NOX5: variants seen among roughly 807,000 people sequenced by gnomAD.
NOX5 encodes the protein NADPH oxidase, EF-hand calcium binding domain 5.
A neutral mutation model predicts 85.7 loss-of-function variants in NOX5; 76 were observed. That is an observed-to-expected ratio of 0.89 (90% CI 0.74 to 1.07). The LOEUF (loss-of-function observed/expected upper bound fraction) is 1.07. NOX5 is among the 50% of genes least tolerant of loss of function. The probability of loss-of-function intolerance (pLI) is 0.00; values close to 1 mark genes in which losing one functional copy is unlikely to be tolerated. For missense variants in NOX5, 973 were observed against 999.5 expected, an observed-to-expected ratio of 0.97 and a Z score of 0.36; for synonymous variants, 405 against 401.4, an observed-to-expected ratio of 1.01 and a Z score of -0.11.
intron 1 of NOX5, among the ~76,000 whole-genome samples, chr15:69,026,273 G>T (rs1303688891): frequency 6.6e-6 from 1 of 152,180 alleles, no homozygotes; most frequent in Non-Finnish European, 1.5e-5. Flanking sequence ...CCTCACTCGG[G>T]CCCTGTCATT....
rs2050697132 is a variant in NOX5, at chr15:69,047,995, G to A, written c.1899+84G>A. 9.0e-6 allele frequency: 11 copies of A among 1,222,740 alleles called. No individual in the cohort carries two copies. In the South Asian group the frequency reaches 1.2e-4, roughly 14 times the overall value. 75.7% of individuals were successfully genotyped at this position (1,222,740 alleles called of 1,614,324 possible). On this transcript the variant is annotated intron_variant, in intron 13 of 15. Coordinates refer to ENST00000388866, the MANE Select transcript of NOX5 (RefSeq NM_024505.4). ...ATAGGAGCCCATCCTCCTGTGCAAA[G>A]GTGGGAGCGGATAGGTGATCCCTAA...
At position 69,042,742 on chromosome 15, in the gene NOX5, G is replaced by A. The variant is rs771202614; in HGVS notation, c.1584G>A (p.Leu528=). 6.2e-7 allele frequency: 1 copy of A among 1,614,210 alleles called. No individual in the cohort carries two copies. The highest frequency in any genetic ancestry group is 1.7e-5 in the Admixed American group (1 of 60,028). ...AGTCCTTCAAGGCATCAGACCCACTGGGCCGTGGTTCTAAGAGGCTGTCGA... is the reference window on the plus strand; with the variant it reads ...AGTCCTTCAAGGCATCAGACCCACTAGGCCGTGGTTCTAAGAGGCTGTCGA... The part of the protein sequence containing the change: ...LYESFKASDP[L]GRGSKRLSRS... The change falls in exon 10 of 16, where the codon CTG becomes CTA. Residue 528 remains leucine, a synonymous_variant. Transcript: ENST00000388866.
At chr15:69,028,100 C>T (rs2050382117) in intron 2 of NOX5, 115 bp from the exon 3 acceptor site, 2 of 1,142,686 alleles carry the variant, frequency 1.8e-6, no homozygotes, top group Non-Finnish European at 2.4e-6. Context: ...CTGAATACCG[C>T]CACTCTGTGG....
chr15:69,033,225 TG>T lies in NOX5; in HGVS notation c.805del (p.Val269TrpfsTer19). The T allele has an allele frequency of 6.3e-7, 1 of 1,598,200 alleles. No individual in the cohort carries two copies. The highest frequency in any genetic ancestry group is 8.5e-7 in the Non-Finnish European group (1 of 1,179,252). On this transcript the variant is annotated frameshift_variant, in exon 5 of 16. Coordinates refer to ENST00000388866, the MANE Select transcript of NOX5 (RefSeq NM_024505.4). LOFTEE classifies it high-confidence loss of function. ...CACCGGGACCTCGGCGCCAGCGTCA[TG>T]GTGGCCAAGGGCTGCGGCCAGTGCC... ...SAHRDLGASV[M>X]VAKGCGQCLN...
At chr15:69,026,220 G>A (rs2050356005) in intron 1 of NOX5, among the ~76,000 whole-genome samples, 1 of 152,194 alleles carries the variant, frequency 6.6e-6, no homozygotes, top group African/African-American at 2.4e-5. Flanking sequence ...TAATGCAGTC[G>A]CAGCATGCCA....
chr15:69,055,348 C>T lies in NOX5; in HGVS notation c.2014C>T (p.Leu672=), dbSNP rs969919766. The part of the protein sequence containing the change: ...EEAQYGRFLE[L]HMYMTSALGK... Reference sequence around the variant, plus strand: ...CTGCCCAACAGGCCGCTTCCTGGAGCTGCATATGTACATGACATCTGCACT... The same window carrying T: ...CTGCCCAACAGGCCGCTTCCTGGAGTTGCATATGTACATGACATCTGCACT... The change falls in exon 15 of 16, where the codon CTG becomes TTG. Residue 672 remains leucine (L), a synonymous_variant. Coordinates refer to ENST00000388866, the MANE Select transcript of NOX5 (RefSeq NM_024505.4). The T allele has an allele frequency of 2.5e-6, 4 of 1,614,024 alleles. No individual in the cohort carries two copies. The highest frequency in any genetic ancestry group is 3.4e-6 in the Non-Finnish European group (4 of 1,179,892).
At position 69,061,397 on chromosome 15, in the gene NOX5, G is replaced by T. The variant is rs568845953; in HGVS notation, c.*4701G>T. 17 of 152,370 alleles carry T rather than the reference G, an allele frequency of 1.1e-4. No individual in the cohort carries two copies. The East Asian group carries it at 3.3e-3, about 29-fold the overall frequency. 9.4% of individuals were successfully genotyped at this position (152,370 alleles called of 1,614,324 possible). On this transcript the variant is annotated 3_prime_UTR_variant, in exon 16 of 16. Transcript: ENST00000388866. The stretch of plus-strand genomic sequence containing the variant: ...CTAGTCCAGAAGGACTGTGGAGGCC[G>T]TGGGCATACACGTGAAATTGTGTGC...
At position 69,056,605 on chromosome 15, in the gene NOX5, A is replaced by G; in HGVS notation, c.2207A>G (p.Gln736Arg). Residue 736 changes from glutamine to arginine, a missense_variant, in exon 16 of 16, where the codon CAG (glutamine) becomes CGG (arginine). Coordinates refer to ENST00000388866, the MANE Select transcript of NOX5 (RefSeq NM_024505.4). ...KVAAEKKGKV[Q>R]VFFCGSPALA... ...GCTGCTGAGAAGAAGGGCAAGGTGC[A>G]GGTCTTCTTCTGTGGCTCCCCAGCT... 6.2e-7 allele frequency: 1 copy of G among 1,613,758 alleles called. No homozygotes were observed.
intron 15 of NOX5, among the ~76,000 whole-genome samples, chr15:69,056,073 G>A (rs2050808676): frequency 6.6e-6 from 1 of 152,168 alleles, no homozygotes; most frequent in African/African-American, 2.4e-5. Context: ...GCATCAAAGA[G>A]GACTTTCAGA....
At position 69,056,736 on chromosome 15, in the gene NOX5, G is replaced by C. The variant is rs2050817380; in HGVS notation, c.*40G>C. ...GCTCTGCCCCAAGTCCACACCATGG[G>C]TCTGCTTCATTGCATTAGTATAAAT... On this transcript the variant is annotated 3_prime_UTR_variant, in exon 16 of 16. Coordinates refer to ENST00000388866, the MANE Select transcript of NOX5 (RefSeq NM_024505.4). The C allele has an allele frequency of 6.2e-7, 1 of 1,608,326 alleles. No individual in the cohort carries two copies. Among genetic ancestry groups the C allele is most frequent in the African/African-American group, 1.3e-5 (1 of 74,778 alleles).
intron 13 of NOX5, 64 bp from the exon 14 acceptor site, chr15:69,048,895 C>A: frequency 8.1e-7 from 1 of 1,228,032 alleles, no homozygotes; most frequent in Admixed American, 2.0e-5. Context: ...CCAGGGATTA[C>A]AGATGTGAGC....
At chr15:69,031,264 T>C in intron 3 of NOX5, 1 of 535,908 alleles carries the variant, frequency 1.9e-6, no homozygotes, top group Admixed American at 3.4e-5. Flanking sequence ...GTGTATTTTC[T>C]GGGCAGATAG....
intron 1 of NOX5, among the ~76,000 whole-genome samples, chr15:69,021,294 C>T (rs2050292482): frequency 6.6e-6 from 1 of 151,744 alleles, no homozygotes; most frequent in Admixed American, 6.6e-5. Flanking sequence ...GCTCTAAAAA[C>T]AAGCTGGCCC....
intron 4 of NOX5, 89 bp downstream of exon 4, chr15:69,031,901 C>G: frequency 1.5e-6 from 2 of 1,361,980 alleles, no homozygotes; most frequent in South Asian, 1.4e-5. Context: ...CGGATCCACT[C>G]TGCCCTACCC....
chr15:69,041,227 C>A (rs1595782998), intron 9 of NOX5, among the ~76,000 whole-genome samples: 1 of 152,318 alleles, frequency 6.6e-6, no homozygotes, highest in African/African-American at 2.4e-5. Flanking sequence ...TGAGGCACTT[C>A]AAGCGACTTG....
intron 1 of NOX5, among the ~76,000 whole-genome samples, chr15:69,016,788 T>C (rs1595764726): frequency 6.6e-6 from 1 of 150,808 alleles, no homozygotes; most frequent in African/African-American, 2.5e-5. Flanking sequence ...AAAGCATATA[T>C]GACATATGCA....
chr15:69,053,382 T>C (rs2050772867), intron 14 of NOX5, among the ~76,000 whole-genome samples: 1 of 152,208 alleles, frequency 6.6e-6, no homozygotes, highest in African/African-American at 2.4e-5. Flanking sequence ...AACTGCTTGA[T>C]AAATTTAGTG....
chr15:69,025,709 G>A (rs1204089487), intron 1 of NOX5, among the ~76,000 whole-genome samples: 1 of 152,170 alleles, frequency 6.6e-6, no homozygotes, highest in East Asian at 1.9e-4. Flanking sequence ...CATTCTCCCA[G>A]GGAGTCATTT....
chr15:69,037,236 G>C (rs1486700027), intron 8 of NOX5, 26 bp downstream of exon 8: 1 of 1,599,090 alleles, frequency 6.3e-7, no homozygotes, highest in South Asian at 1.1e-5. Context: ...ATGGGGAGGT[G>C]CTTTTCCAAC....
Sources: allele counts gnomAD v4.1 joint callset (sites outside exome capture counted in the v4.1 genomes callset), GRCh38; gene constraint gnomAD v4.1.1; transcripts MANE v1.5; gene names NCBI Gene and HGNC (gene_info 2026-07-23, HGNC 2026-07-21).